Variants in FGD5 observed in about 807,000 individuals in gnomAD.
FGD5 encodes FYVE, RhoGEF and PH domain-containing protein 5.
In FGD5, 28 loss-of-function variants were observed where a neutral mutation model predicts 133.4. That is an observed-to-expected ratio of 0.21 (90% CI 0.16 to 0.29). The LOEUF is 0.29. Ranked by LOEUF, FGD5 falls within the 10% of genes least tolerant of loss-of-function variation. The pLI, the probability that FGD5 is intolerant of heterozygous loss-of-function variation, is 1.00. For synonymous variants in FGD5, 810 were observed against 776.5 expected (o/e 1.04, Z -0.72); for missense variants, 1,858 against 1,895.2 (o/e 0.98, Z 0.36).
chr3:14,869,100 C>G (rs1465547907), intron 2 of FGD5, among the ~76,000 whole-genome samples: 1 of 152,178 alleles, frequency 6.6e-6, no homozygotes, highest in Non-Finnish European at 1.5e-5. Flanking sequence ...CAAGACCATC[C>G]TAGCTCACAT....
Position 14,849,239 on chromosome 3 carries a change from G to A in FGD5, c.2526-14889G>A, listed in dbSNP as rs147945413. 2.5e-3 allele frequency among the ~76,000 whole-genome samples: 382 copies of A among 152,294 alleles called. 5 individuals carry two copies. The highest frequency in any genetic ancestry group is 8.7e-3 in the African/African-American group (361 of 41,552). ...ACAGGTGACGCTCCTGTTCATGTGC[G>A]TCAAAAGGCCTGCGCCCACCTGCCC... On this transcript the variant is annotated intron_variant, in intron 1 of 19. Coordinates refer to ENST00000285046, the MANE Select transcript of FGD5 (RefSeq NM_152536.4).
Position 14,926,167 on chromosome 3 carries a change from G to A in FGD5, c.4166G>A (p.Gly1389Asp). ...HWKKLWFVIK[G>D]KVLYTYMASE... The stretch of plus-strand genomic sequence containing the variant: ...AAGAAGCTCTGGTTTGTCATCAAAG[G>A]CAAAGTTCTCTACACCTACATGGCC... The change falls in exon 18 of 20, where the codon GGC (glycine) becomes GAC (aspartate). Residue 1389 changes from glycine (G) to aspartate (D), a missense_variant. By Grantham distance (94) the Gly-to-Asp change is moderately conservative (BLOSUM62 -1). Coordinates refer to ENST00000285046, the MANE Select transcript of FGD5 (RefSeq NM_152536.4). The A allele has an allele frequency of 6.2e-7, 1 of 1,613,708 alleles. No individual in the cohort carries two copies. The highest frequency in any genetic ancestry group is 8.5e-7 in the Non-Finnish European group (1 of 1,179,744).
chr3:14,841,754 G>C (rs941865087), intron 1 of FGD5, among the ~76,000 whole-genome samples: 2 of 152,072 alleles, frequency 1.3e-5, no homozygotes, highest in African/African-American at 4.8e-5. Flanking sequence ...CAGTGTGAGT[G>C]GGGGGTTCCT....
At chr3:14,898,627 T>C in intron 6 of FGD5, 112 bp from the exon 7 acceptor site, 4 of 837,884 alleles carry the variant, frequency 4.8e-6, no homozygotes, top group Non-Finnish European at 7.5e-6. Flanking sequence ...AGGGAGAAGT[T>C]CAGCTGGCCC....
At chr3:14,844,053 C>A (rs971141955) in intron 1 of FGD5, among the ~76,000 whole-genome samples, 3 of 150,018 alleles carry the variant, frequency 2.0e-5, no homozygotes, top group Non-Finnish European at 3.0e-5. Flanking sequence ...GTTGGAAGGA[C>A]GGGATTCCTA....
At chr3:14,914,348 GC>G (rs930776978) in intron 11 of FGD5, among the ~76,000 whole-genome samples, 17 of 152,354 alleles carry the variant, frequency 1.1e-4, no homozygotes, top group African/African-American at 4.1e-4. Flanking sequence ...AGGTGGGGCT[GC>G]CCCCTGGTGG....
At chr3:14,813,838 A>G (rs1007877973) in intron 1 of FGD5, among the ~76,000 whole-genome samples, 1 of 152,348 alleles carries the variant, frequency 6.6e-6, no homozygotes, top group Admixed American at 6.5e-5. Flanking sequence ...GAACTTCTAC[A>G]TAGCCAACAA....
At chr3:14,825,590 A>G (rs1472230323) in intron 1 of FGD5, among the ~76,000 whole-genome samples, 2 of 152,172 alleles carry the variant, frequency 1.3e-5, no homozygotes, top group East Asian at 1.9e-4. Flanking sequence ...TTCAGGCTGC[A>G]TTGAGCTGTC....
intron 1 of FGD5, among the ~76,000 whole-genome samples, chr3:14,834,768 A>G (rs1169589409): frequency 1.3e-5 from 2 of 152,324 alleles, no homozygotes; most frequent in African/African-American, 4.8e-5. Flanking sequence ...CAGGCGGGGC[A>G]TGTAAGAAGC....
At chr3:14,891,953 C>T (rs746186009) in intron 4 of FGD5, among the ~76,000 whole-genome samples, 6 of 151,752 alleles carry the variant, frequency 4.0e-5, no homozygotes, top group African/African-American at 7.3e-5. Flanking sequence ...TTCTCCCTCT[C>T]TCTCATACCT....
intron 1 of FGD5, among the ~76,000 whole-genome samples, chr3:14,858,062 C>G (rs1030733036): frequency 6.6e-6 from 1 of 152,024 alleles, no homozygotes; most frequent in Non-Finnish European, 1.5e-5. Flanking sequence ...AGTAAAGTAC[C>G]CAGAGTACAG....
intron 2 of FGD5, among the ~76,000 whole-genome samples, chr3:14,871,900 G>T (rs1687292): frequency 0.14 from 21,895 of 152,196 alleles, 1,903 homozygotes; most frequent in East Asian, 0.39. Flanking sequence ...ACTCTCTCTC[G>T]CTCTTCATGG....
intron 18 of FGD5, among the ~76,000 whole-genome samples, chr3:14,928,576 C>T (rs1464043299): frequency 6.6e-6 from 1 of 152,052 alleles, no homozygotes; most frequent in Non-Finnish European, 1.5e-5. Flanking sequence ...AAAACCTCGT[C>T]TCTACTAAAA....
chr3:14,911,039 G>A (rs1559502966), intron 11 of FGD5, 110 bp downstream of exon 11: 3 of 1,056,096 alleles, frequency 2.8e-6, no homozygotes, highest in East Asian at 2.6e-5. Flanking sequence ...GTAGAACAGA[G>A]CAGACATTTG....
intron 4 of FGD5, among the ~76,000 whole-genome samples, chr3:14,886,549 G>A (rs1371904143): frequency 6.6e-6 from 1 of 152,226 alleles, no homozygotes; most frequent in Admixed American, 6.5e-5. Context: ...GCAGGGACGT[G>A]CTCTCCCCTC....
At chr3:14,815,235 C>T (rs906578912), upstream of FGD5, among the ~76,000 whole-genome samples, 4 of 152,120 alleles carry the variant, frequency 2.6e-5, no homozygotes, top group South Asian at 2.1e-4. Context: ...CTGGCCTTGC[C>T]GGCCTCTTCG....
chr3:14,856,225 G>C (rs973352062), intron 1 of FGD5, among the ~76,000 whole-genome samples: 2 of 152,016 alleles, frequency 1.3e-5, no homozygotes, highest in Non-Finnish European at 2.9e-5. Context: ...TTGTTCCCTT[G>C]TTCTGTGTGT....
In FGD5 at chr3:14,923,272, G is replaced by T. The variant is rs1483855279; in HGVS notation, c.3937+97G>T. 5 of 1,470,532 alleles carry T rather than the reference G, an allele frequency of 3.4e-6. No individual in the cohort carries two copies. In the African/African-American group the frequency reaches 5.7e-5, roughly 17 times the overall value. The allele number at this position is 1,470,532 out of a possible 1,614,324, so 91.1% of individuals were successfully genotyped here. A position where few individuals can be genotyped will look rare whatever the true frequency, so the allele number is the denominator to read the frequency against. Reference sequence around the variant, plus strand: ...TGGTCCATGGTTCATGCCTGAAACCGCTTTCCCTGGAGGGAGTTATTCACT... The same window carrying T: ...TGGTCCATGGTTCATGCCTGAAACCTCTTTCCCTGGAGGGAGTTATTCACT... On this transcript the variant is annotated intron_variant, in intron 16 of 19. Transcript: ENST00000285046.
chr3:14,832,896 T>C (rs1382772773), intron 1 of FGD5, among the ~76,000 whole-genome samples: 1 of 152,192 alleles, frequency 6.6e-6, no homozygotes, highest in Non-Finnish European at 1.5e-5. Flanking sequence ...CGGCACACAC[T>C]ATTGCAGTAA....
Sources: allele counts gnomAD v4.1 joint callset (sites outside exome capture counted in the v4.1 genomes callset), GRCh38; gene constraint gnomAD v4.1.1; transcripts MANE v1.5; gene names NCBI Gene and HGNC (gene_info 2026-07-23, HGNC 2026-07-21).